The following FAM149B1 variants were observed in gnomAD, a reference collection of about 807,000 sequenced individuals.
FAM149B1 encodes primary cilium assembly protein FAM149B1.
FAM149B1 carries 56 observed loss-of-function variants against 75.3 expected under a neutral mutation model. That is an observed-to-expected ratio of 0.74 (90% CI 0.60 to 0.93). The LOEUF is 0.93. Among genes scored for constraint, FAM149B1 ranks in the 40% least tolerant of loss-of-function variants. FAM149B1 has a pLI of 0.00. For missense variants in FAM149B1, 639 were observed against 708.4 expected (o/e 0.90, Z 1.11); for synonymous variants, 259 against 256.1 (o/e 1.01, Z -0.11).
chr10:73,202,848 A>C (rs147695037), intron 5 of FAM149B1, among the ~76,000 whole-genome samples: 88 of 152,022 alleles, frequency 5.8e-4, no homozygotes, highest in Admixed American at 5.2e-4. Flanking sequence ...GCACCACCTC[A>C]TCTGGCTAAT....
intron 3 of FAM149B1, among the ~76,000 whole-genome samples, chr10:73,188,595 A>T (rs1021558383): frequency 3.9e-5 from 6 of 151,928 alleles, no homozygotes; most frequent in Non-Finnish European, 5.9e-5. Flanking sequence ...GGTGGCAGGC[A>T]CCTGTAATCC....
chr10:73,243,150 G>C lies in FAM149B1; in HGVS notation c.*2131G>C. The C allele has an allele frequency of 4.5e-6, 2 of 443,416 alleles. No individual in the cohort carries two copies. Among genetic ancestry groups the C allele is most frequent in the Non-Finnish European group, 8.2e-6 (2 of 243,986 alleles). 27.5% of individuals were successfully genotyped at this position (443,416 alleles called of 1,614,324 possible). On this transcript the variant is annotated 3_prime_UTR_variant, in exon 14 of 14. Transcript: ENST00000242505. ...GGCAAGTGCTGTCAGGAAGGACACTGCCTCCCTCCACCCTCCCAAATGTCA... is the reference window on the plus strand; with the variant it reads ...GGCAAGTGCTGTCAGGAAGGACACTCCCTCCCTCCACCCTCCCAAATGTCA...
chr10:73,174,673 T>C lies in FAM149B1; in HGVS notation c.48-14T>C, dbSNP rs529159996. On this transcript the variant is annotated splice_polypyrimidine_tract_variant and intron_variant, in intron 1 of 13. Coordinates refer to ENST00000242505, the MANE Select transcript of FAM149B1 (RefSeq NM_173348.2). ...TTTTATACAGGAAATATAACTTTGT[T>C]TTGTCTTTCACAGGAAAGGAATAAC... 2 of 1,517,992 alleles carry C rather than the reference T, an allele frequency of 1.3e-6. No homozygotes were observed. Among genetic ancestry groups the C allele is most frequent in the African/African-American group, 2.8e-5 (2 of 72,180 alleles). 94.0% of individuals were successfully genotyped at this position (1,517,992 alleles called of 1,614,324 possible).
intron 7 of FAM149B1, among the ~76,000 whole-genome samples, chr10:73,219,343 A>G (rs970192560): frequency 2.0e-5 from 3 of 152,120 alleles, no homozygotes; most frequent in African/African-American, 7.2e-5. Flanking sequence ...AAATAGATCT[A>G]CAGTTTCAGT....
At position 73,177,975 on chromosome 10, in the gene FAM149B1, T is replaced by C. The variant is rs749574280; in HGVS notation, c.282T>C (p.Gly94=). 4.1e-5 allele frequency: 64 copies of C among 1,548,958 alleles called. No homozygotes were observed. Among genetic ancestry groups the C allele is most frequent in the Non-Finnish European group, 5.0e-5 (57 of 1,146,278 alleles). ...GCTCGGACTTCTCCTGGGGATATGGTGTGAGTTATATGTTATCAGTCTGAT... is the reference window on the plus strand; with the variant it reads ...GCTCGGACTTCTCCTGGGGATATGGCGTGAGTTATATGTTATCAGTCTGAT... ...EGSSDFSWGY[G]ELDQNATEKV... is the part of the protein sequence containing the mutation. The change falls in exon 3 of 14, where the codon GGT becomes GGC. Residue 94 remains glycine, a splice_region_variant and synonymous_variant. Coordinates refer to ENST00000242505, the MANE Select transcript of FAM149B1 (RefSeq NM_173348.2).
intron 12 of FAM149B1, among the ~76,000 whole-genome samples, chr10:73,236,025 G>A (rs1282163282): frequency 1.3e-5 from 2 of 152,168 alleles, no homozygotes; most frequent in South Asian, 2.1e-4. Context: ...AGAGCCTGGG[G>A]AAGTAACCAG....
intron 6 of FAM149B1, 93 bp downstream of exon 6, chr10:73,208,879 A>G: frequency 1.3e-6 from 1 of 743,114 alleles, no homozygotes; most frequent in Non-Finnish European, 1.9e-6. Context: ...GTATATTATT[A>G]AATATATGCC....
chr10:73,176,053 A>G (rs555069781), intron 2 of FAM149B1, among the ~76,000 whole-genome samples: 3 of 152,268 alleles, frequency 2.0e-5, no homozygotes, highest in Non-Finnish European at 4.4e-5. Context: ...AAATAATTAT[A>G]CAACTCACCA....
intron 7 of FAM149B1, among the ~76,000 whole-genome samples, chr10:73,222,413 C>G (rs1285954153): frequency 6.6e-6 from 1 of 152,102 alleles, no homozygotes; most frequent in Non-Finnish European, 1.5e-5. Flanking sequence ...AAGTACTGTT[C>G]CCTTCTTTCA....
intron 3 of FAM149B1, among the ~76,000 whole-genome samples, chr10:73,184,472 A>G (rs753273223): frequency 4.6e-5 from 7 of 152,118 alleles, no homozygotes; most frequent in African/African-American, 7.2e-5. Flanking sequence ...CTATCAACCA[A>G]CCTGACCTAA....
At chr10:73,221,170 T>G (rs2043405069) in intron 7 of FAM149B1, among the ~76,000 whole-genome samples, 1 of 152,176 alleles carries the variant, frequency 6.6e-6, no homozygotes. Flanking sequence ...ATAGAAATTT[T>G]TTGAAATTAC....
At chr10:73,200,407 T>C (rs1359692096) in intron 5 of FAM149B1, 2 of 598,534 alleles carry the variant, frequency 3.3e-6, no homozygotes, top group Non-Finnish European at 6.6e-6. Context: ...GAGCAACCTG[T>C]CATGCCTGCA....
chr10:73,219,260 C>A (rs185455135), intron 7 of FAM149B1, among the ~76,000 whole-genome samples: 2 of 151,996 alleles, frequency 1.3e-5, no homozygotes, highest in African/African-American at 4.8e-5. Flanking sequence ...TTAGAGGAGA[C>A]CTAATGAAAT....
At chr10:73,188,756 G>GGGAAGGAGGGAAGGAA (rs2042598604) in intron 3 of FAM149B1, among the ~76,000 whole-genome samples, 1 of 129,438 alleles carries the variant, frequency 7.7e-6, no homozygotes, top group African/African-American at 2.9e-5. Flanking sequence ...GAAGGAAGGA[G>GGGAAGGAGGGAAGGAA]GGAAGGAAGG....
intron 10 of FAM149B1, chr10:73,234,553 T>C: frequency 2.5e-6 from 1 of 402,544 alleles, no homozygotes; most frequent in South Asian, 3.0e-5. Context: ...TAGGGACAAA[T>C]GTTTTATTCC....
intron 12 of FAM149B1, among the ~76,000 whole-genome samples, chr10:73,236,129 C>G (rs1478924158): frequency 6.6e-6 from 1 of 152,128 alleles, no homozygotes; most frequent in East Asian, 1.9e-4. Context: ...TAAAGCACTG[C>G]AAAGTTTTTC....
At chr10:73,187,783 A>G (rs1215891448) in intron 3 of FAM149B1, among the ~76,000 whole-genome samples, 1 of 149,868 alleles carries the variant, frequency 6.7e-6, no homozygotes, top group Non-Finnish European at 1.5e-5. Context: ...ATATCAAAAC[A>G]TTAGTCAGAA....
In FAM149B1 at chr10:73,244,265, G is replaced by A. The variant is rs1014741796; in HGVS notation, c.*3246G>A. 3.1e-5 allele frequency: 7 copies of A among 227,180 alleles called. No individual in the cohort carries two copies. The highest frequency in any genetic ancestry group is 1.6e-4 in the African/African-American group (7 of 42,932). The allele number at this position is 227,180 out of a possible 1,614,324, so 14.1% of individuals were successfully genotyped here. On this transcript the variant is annotated 3_prime_UTR_variant, in exon 14 of 14. Transcript: ENST00000242505. ...AATCCCCATACCTTGGGAGGCCAAG[G>A]TGGGAGGATCACTTGAACTCAGGAG...
chr10:73,188,394 C>T (rs927722456), intron 3 of FAM149B1, among the ~76,000 whole-genome samples: 4 of 152,008 alleles, frequency 2.6e-5, no homozygotes, highest in African/African-American at 9.7e-5. Flanking sequence ...AAATCAAGAC[C>T]TTGGATTAGG....
Sources: gnomAD v4.1 joint callset for allele counts (sites outside exome capture counted in the v4.1 genomes callset) on GRCh38, gnomAD v4.1.1 for gene constraint, MANE v1.5 for transcripts, NCBI Gene and HGNC (gene_info 2026-07-23, HGNC 2026-07-21) for gene names.